DCC: variants seen among roughly 807,000 people sequenced by gnomAD.
DCC encodes the protein DCC netrin 1 receptor.
In DCC, 58 loss-of-function variants were observed where a neutral mutation model predicts 172.5. The observed-to-expected ratio is 0.34, with a 90% CI of 0.27 to 0.42. The LOEUF (loss-of-function observed/expected upper bound fraction) is 0.42, where lower values mean the gene tolerates loss of function less well. Among genes scored for constraint, DCC ranks in the 10% least tolerant of loss-of-function variants. The pLI is 1.00. For missense variants in DCC, 1,740 were observed against 1,791.0 expected (o/e 0.97, Z 0.51); for synonymous variants, 709 against 644.5 (o/e 1.10, Z -1.52).
intron 14 of DCC, among the ~76,000 whole-genome samples, chr18:53,336,237 C>A (rs1424764124): frequency 6.6e-6 from 1 of 152,100 alleles, no homozygotes; most frequent in Non-Finnish European, 1.5e-5. Flanking sequence ...TTGCAGACTC[C>A]AAGCAAGTAA....
rs559535387 is a variant in DCC at position 52,709,556 on chromosome 18, G to A, written c.92-42498G>A. Reference sequence around the variant, plus strand: ...GAACTTGACCTGTGTGTGCTGGCCTGTGTGCTCTTCTTCGATTTAATTCCA... The same window carrying A: ...GAACTTGACCTGTGTGTGCTGGCCTATGTGCTCTTCTTCGATTTAATTCCA... On this transcript the variant is annotated intron_variant, in intron 1 of 28. Transcript: ENST00000442544. 4.6e-5 allele frequency among the ~76,000 whole-genome samples: 7 copies of A among 152,272 alleles called. No individual in the cohort carries two copies. In the East Asian group the frequency reaches 1.4e-3, roughly 29 times the overall value.
chr18:52,627,225 T>C (rs934041780), intron 1 of DCC, among the ~76,000 whole-genome samples: 8 of 152,210 alleles, frequency 5.3e-5, no homozygotes, highest in Non-Finnish European at 1.2e-4. Flanking sequence ...CTTCATATTT[T>C]TATTTGACTA....
At chr18:52,747,050 C>G (rs1270924087) in intron 1 of DCC, among the ~76,000 whole-genome samples, 1 of 151,904 alleles carries the variant, frequency 6.6e-6, no homozygotes, top group Non-Finnish European at 1.5e-5. Flanking sequence ...ATAAGAAACG[C>G]TAGCCAATAG....
At chr18:53,388,632 G>A (rs905315675) in intron 16 of DCC, among the ~76,000 whole-genome samples, 2 of 152,108 alleles carry the variant, frequency 1.3e-5, no homozygotes, top group Admixed American at 6.5e-5. Context: ...TTTATTTCTT[G>A]TTGTCTTAAG....
At chr18:52,521,182 T>G (rs939187880) in intron 1 of DCC, among the ~76,000 whole-genome samples, 1 of 152,190 alleles carries the variant, frequency 6.6e-6, no homozygotes, top group African/African-American at 2.4e-5. Flanking sequence ...TTGTGAATTT[T>G]TTTTTGAGAT....
At chr18:53,522,986 G>A (rs985101774) in intron 27 of DCC, among the ~76,000 whole-genome samples, 3 of 152,146 alleles carry the variant, frequency 2.0e-5, no homozygotes, top group Non-Finnish European at 4.4e-5. Context: ...GCAACCTACA[G>A]AATGGGAGAA....
intron 2 of DCC, among the ~76,000 whole-genome samples, chr18:52,844,179 G>T (rs2038849215): frequency 6.6e-6 from 1 of 152,148 alleles, no homozygotes; most frequent in Non-Finnish European, 1.5e-5. Flanking sequence ...GGACTGGTCA[G>T]ATAACATCCT....
rs768054837 is a variant in DCC, at chr18:53,486,864, C to G, written c.3804C>G (p.Pro1268=). Residue 1268 remains proline, a synonymous_variant, in exon 26 of 29, where the codon CCC becomes CCG. Coordinates refer to ENST00000442544, the MANE Select transcript of DCC (RefSeq NM_005215.4). ...SAQYPGILPS[P]TCGYPHPQFT... ...AGTACCCAGGAATCCTCCCGTCTCC[C>G]ACCTGTGGATATCCCCACCCGCAGT... 19 of 1,614,072 alleles carry G rather than the reference C, an allele frequency of 1.2e-5. No individual in the cohort carries two copies. Among genetic ancestry groups the G allele is most frequent in the Non-Finnish European group, 1.4e-5 (16 of 1,180,042 alleles).
intron 2 of DCC, among the ~76,000 whole-genome samples, chr18:52,777,758 C>G (rs1007960604): frequency 9.4e-5 from 14 of 148,668 alleles, no homozygotes; most frequent in Non-Finnish European, 1.5e-5. Context: ...ATCTAGGAGG[C>G]AGATCTCCAG....
chr18:52,834,746 AT>A lies in DCC; in HGVS notation c.413-71291del, dbSNP rs958555084. On this transcript the variant is annotated intron_variant, in intron 2 of 28. Coordinates refer to ENST00000442544, the MANE Select transcript of DCC (RefSeq NM_005215.4). ...AGAAATATGTTTTCTTAGTGACACCATTTTTTTAATTCTCTGTGGTCTTCCT... is the reference window on the plus strand; with the variant it reads ...AGAAATATGTTTTCTTAGTGACACCATTTTTTAATTCTCTGTGGTCTTCCT... Among the ~76,000 whole-genome samples, 3 of 152,122 alleles carry A rather than the reference AT, an allele frequency of 2.0e-5. No homozygotes were observed. In the East Asian group the frequency reaches 5.8e-4, roughly 29 times the overall value.
At chr18:52,945,824 G>A (rs1191672719) in intron 5 of DCC, among the ~76,000 whole-genome samples, 1 of 152,184 alleles carries the variant, frequency 6.6e-6, no homozygotes, top group Non-Finnish European at 1.5e-5. Flanking sequence ...GGCTTTGTTT[G>A]TTTTGGCCTA....
intron 1 of DCC, among the ~76,000 whole-genome samples, chr18:52,509,379 A>G (rs1189936346): frequency 6.6e-6 from 1 of 152,202 alleles, no homozygotes; most frequent in Non-Finnish European, 1.5e-5. Context: ...TGGCAGCTCC[A>G]AAATTTAAAA....
chr18:52,941,705 A>G (rs1309365389), intron 5 of DCC, among the ~76,000 whole-genome samples: 2 of 152,116 alleles, frequency 1.3e-5, no homozygotes, highest in African/African-American at 2.4e-5. Flanking sequence ...TCATTCACCA[A>G]AGAGACTACT....
intron 7 of DCC, among the ~76,000 whole-genome samples, chr18:53,149,826 TTGTG>T (rs1216206503): frequency 2.0e-5 from 3 of 152,228 alleles, no homozygotes; most frequent in Non-Finnish European, 2.9e-5. Context: ...GTTTATCTCT[TTGTG>T]TGGCCATAGG....
intron 15 of DCC, among the ~76,000 whole-genome samples, chr18:53,361,822 T>G (rs917425922): frequency 8.7e-6 from 1 of 114,592 alleles, no homozygotes; most frequent in Non-Finnish European, 2.1e-5. Context: ...AGCAAAGAAA[T>G]TATGTATTTT....
At chr18:52,947,583 C>T (rs923317485) in intron 5 of DCC, among the ~76,000 whole-genome samples, 4 of 152,190 alleles carry the variant, frequency 2.6e-5, no homozygotes, top group African/African-American at 7.2e-5. Flanking sequence ...CCCACTGCCT[C>T]TTGGGTCAGT....
intron 2 of DCC, among the ~76,000 whole-genome samples, chr18:52,814,867 CGTT>C (rs917503461): frequency 9.9e-5 from 15 of 151,994 alleles, no homozygotes; most frequent in African/African-American, 3.4e-4. Flanking sequence ...TTAGTTAAGA[CGTT>C]GGTACAGTGA....
intron 1 of DCC, among the ~76,000 whole-genome samples, chr18:52,346,885 A>T (rs1266397614): frequency 6.6e-6 from 1 of 152,138 alleles, no homozygotes; most frequent in Non-Finnish European, 1.5e-5. Context: ...ACTAATCCAA[A>T]TTTTTTGACT....
At chr18:52,913,230 C>A (rs2039996010) in intron 3 of DCC, among the ~76,000 whole-genome samples, 1 of 152,080 alleles carries the variant, frequency 6.6e-6, no homozygotes, top group African/African-American at 2.4e-5. Context: ...GGTAACCAGT[C>A]TTTCACATGG....
Sources: gnomAD v4.1 joint callset for allele counts (sites outside exome capture counted in the v4.1 genomes callset) on GRCh38, gnomAD v4.1.1 for gene constraint, MANE v1.5 for transcripts, NCBI Gene and HGNC (gene_info 2026-07-23, HGNC 2026-07-21) for gene names.